DHRSX: variants seen among roughly 807,000 people sequenced by gnomAD.
DHRSX encodes the protein polyprenol dehydrogenase.
In DHRSX, 31 loss-of-function variants were observed where a neutral mutation model predicts 34.0. The observed-to-expected ratio is 0.91, with a 90% CI of 0.69 to 1.23. DHRSX has a LOEUF of 1.23. DHRSX is among the 50% of genes most tolerant of loss of function. The pLI is 0.00. For synonymous variants in DHRSX, 201 were observed against 183.8 expected (o/e 1.09, Z -0.76); for missense variants, 414 against 428.1 (o/e 0.97, Z 0.29).
At chrX:2,376,431 G>C (rs931996370) in intron 3 of DHRSX, among the ~76,000 whole-genome samples, 1 of 137,498 alleles carries the variant, frequency 7.3e-6, no homozygotes, top group Non-Finnish European at 1.7e-5. Flanking sequence ...GAAAGGCTTT[G>C]AATGACACTC....
At chrX:2,413,456 A>G (rs184052950) in intron 2 of DHRSX, among the ~76,000 whole-genome samples, 210 of 152,328 alleles carry the variant, frequency 1.4e-3, no homozygotes, top group Middle Eastern at 3.4e-3. Context: ...CACAAAAAGA[A>G]ACATGTAAGG....
intron 1 of DHRSX, among the ~76,000 whole-genome samples, chrX:2,476,154 A>G (rs2044674888): frequency 6.6e-6 from 1 of 152,136 alleles, no homozygotes; most frequent in African/African-American, 2.4e-5. Context: ...TTCGGAGTCC[A>G]AGGCAGGTGG....
intron 2 of DHRSX, among the ~76,000 whole-genome samples, chrX:2,415,689 C>T (rs185553707): frequency 1.3e-5 from 2 of 151,742 alleles, no homozygotes; most frequent in African/African-American, 2.4e-5. Context: ...CCAACTAGAC[C>T]TCATCATGAC....
intron 1 of DHRSX, among the ~76,000 whole-genome samples, chrX:2,447,703 G>GA (rs2044156258): frequency 6.7e-6 from 1 of 149,332 alleles, no homozygotes; most frequent in African/African-American, 2.5e-5. Context: ...ATGCAGCCAT[G>GA]AAAAAGGAAA....
intron 3 of DHRSX, among the ~76,000 whole-genome samples, chrX:2,330,664 AAGAAGG>A (rs200225097): frequency 0.023 from 3,028 of 130,724 alleles, 97 homozygotes; most frequent in African/African-American, 0.095. Flanking sequence ...GATGAAGGAG[AAGAAGG>A]AGAAGGAGGA....
At chrX:2,438,401 G>A (rs757469813) in intron 1 of DHRSX, among the ~76,000 whole-genome samples, 59 of 150,334 alleles carry the variant, frequency 3.9e-4, no homozygotes, top group African/African-American at 1.3e-3. Flanking sequence ...CACGTGCAGT[G>A]GCTTCACGCC....
intron 3 of DHRSX, among the ~76,000 whole-genome samples, chrX:2,297,226 G>A (rs955368457): frequency 3.9e-5 from 6 of 152,208 alleles, no homozygotes; most frequent in Non-Finnish European, 5.9e-5. Flanking sequence ...GAATTCAAGC[G>A]ATTCTCCCTC....
intron 3 of DHRSX, among the ~76,000 whole-genome samples, chrX:2,328,354 T>A (rs751747286): frequency 2.4e-5 from 3 of 126,740 alleles, no homozygotes; most frequent in Middle Eastern, 5.8e-3. Context: ...GACACACACA[T>A]TGGGACAACC....
intron 1 of DHRSX, among the ~76,000 whole-genome samples, chrX:2,436,263 T>G (rs982305796): frequency 5.3e-5 from 8 of 151,620 alleles, no homozygotes; most frequent in African/African-American, 1.9e-4. Flanking sequence ...AACTATGTGT[T>G]TTATGATTCC....
intron 3 of DHRSX, among the ~76,000 whole-genome samples, chrX:2,357,700 TAAAAAA>T (rs781233833): frequency 5.6e-5 from 7 of 125,156 alleles, no homozygotes; most frequent in Admixed American, 8.1e-5. Context: ...CTCAGGAAAT[TAAAAAA>T]AAAAAAAAAA....
At chrX:2,240,090 C>T (rs766767843) in intron 6 of DHRSX, among the ~76,000 whole-genome samples, 4 of 151,744 alleles carry the variant, frequency 2.6e-5, no homozygotes, top group South Asian at 2.1e-4. Context: ...GTCAGGAGTT[C>T]GAGACCAGCC....
intron 3 of DHRSX, among the ~76,000 whole-genome samples, chrX:2,340,057 G>A (rs946767877): frequency 8.6e-5 from 13 of 151,882 alleles, no homozygotes; most frequent in Admixed American, 2.0e-4. Flanking sequence ...AATAAAGCTG[G>A]AAACCATTCT....
intron 3 of DHRSX, among the ~76,000 whole-genome samples, chrX:2,362,981 C>T (rs186247160): frequency 0.012 from 1,171 of 99,774 alleles, 31 homozygotes; most frequent in African/African-American, 0.038. Context: ...GGTATCATGC[C>T]GCCATTTTAT....
intron 1 of DHRSX, among the ~76,000 whole-genome samples, chrX:2,464,240 G>T (rs2044448120): frequency 6.6e-6 from 1 of 150,608 alleles, no homozygotes; most frequent in Non-Finnish European, 1.5e-5. Flanking sequence ...CTAAGCACGT[G>T]GCCCAAGGGA....
At chrX:2,492,297 G>A (rs1242734059) in intron 1 of DHRSX, among the ~76,000 whole-genome samples, 1 of 152,176 alleles carries the variant, frequency 6.6e-6, no homozygotes, top group Non-Finnish European at 1.5e-5. Flanking sequence ...GAAGACAGAT[G>A]AGGAGACACG....
chrX:2,426,822 T>A (rs1230865071), intron 1 of DHRSX, among the ~76,000 whole-genome samples: 6 of 151,190 alleles, frequency 4.0e-5, no homozygotes, highest in Non-Finnish European at 5.9e-5. Flanking sequence ...TTTCCTTCCC[T>A]CCCTCTTTCC....
At position 2,476,111 on chromosome X, in the gene DHRSX, G is replaced by A. The variant is rs138393455; in HGVS notation, c.109+24706C>T. 5.1e-4 allele frequency among the ~76,000 whole-genome samples: 77 copies of A among 152,270 alleles called. No homozygotes were observed. The East Asian group carries it at 0.015, about 29-fold the overall frequency. On this transcript the variant is annotated intron_variant, in intron 1 of 6. Transcript: ENST00000334651. ...CTTATGGAAAGAAAACAGACAGCTG[G>A]CCGCCATGGCTCAGGCCTGTCATCC...
chrX:2,312,412 A>C (rs2042174676), intron 3 of DHRSX, among the ~76,000 whole-genome samples: 2 of 152,120 alleles, frequency 1.3e-5, no homozygotes, highest in African/African-American at 4.8e-5. Context: ...GGATGAGTTC[A>C]TGTCCTTTGC....
chrX:2,493,343 T>C (rs55896289), intron 1 of DHRSX, among the ~76,000 whole-genome samples: 9,373 of 152,168 alleles, frequency 0.062, 404 homozygotes, highest in Non-Finnish European at 0.095. Context: ...TATTATTATT[T>C]GGCTGAAACA....
Sources: gnomAD v4.1 joint callset for allele counts (sites outside exome capture counted in the v4.1 genomes callset) on GRCh38, gnomAD v4.1.1 for gene constraint, MANE v1.5 for transcripts, NCBI Gene and HGNC (gene_info 2026-07-23, HGNC 2026-07-21) for gene names.